Variants in LRMDA observed in about 807,000 individuals in gnomAD.
The protein encoded by LRMDA is leucine rich melanocyte differentiation associated, also known as leucine-rich melanocyte differentiation-associated protein.
LRMDA carries 18 observed loss-of-function variants against 29.8 expected under a neutral mutation model. That is an observed-to-expected ratio of 0.60 (90% CI 0.42 to 0.90). LRMDA has a LOEUF of 0.90. Among genes scored for constraint, LRMDA ranks in the 40% least tolerant of loss-of-function variants. The pLI is 0.00. For synonymous variants in LRMDA, 125 were observed against 109.4 expected (o/e 1.14, Z -0.89); for missense variants, 273 against 273.9 (o/e 1.00, Z 0.02).
chr10:75,783,071 A>G (rs765874736), intron 2 of LRMDA: 1 of 1,609,238 alleles, frequency 6.2e-7, no homozygotes, highest in Non-Finnish European at 8.5e-7. Context: ...TTCTGTCAGC[A>G]GTGCCTTTTA....
chr10:76,347,372 G>C (rs541556473), intron 6 of LRMDA, among the ~76,000 whole-genome samples: 3 of 152,110 alleles, frequency 2.0e-5, no homozygotes, highest in Non-Finnish European at 4.4e-5. Context: ...GGTATACTAC[G>C]CCAATAGCTT....
At chr10:76,061,472 C>G (rs1435206470) in intron 5 of LRMDA, among the ~76,000 whole-genome samples, 1 of 152,150 alleles carries the variant, frequency 6.6e-6, no homozygotes, top group East Asian at 1.9e-4. Context: ...CCCCGTGACA[C>G]AAGTTTACCT....
chr10:76,494,946 T>C (rs920116239), intron 6 of LRMDA, among the ~76,000 whole-genome samples: 9 of 151,930 alleles, frequency 5.9e-5, no homozygotes, highest in African/African-American at 1.7e-4. Flanking sequence ...ATATTCTTTG[T>C]CTTTGTATCT....
intron 6 of LRMDA, among the ~76,000 whole-genome samples, chr10:76,397,772 A>G (rs1474821157): frequency 1.3e-5 from 2 of 152,182 alleles, no homozygotes; most frequent in African/African-American, 4.8e-5. Context: ...AGAACCGGAG[A>G]GAGGGGACTG....
chr10:76,323,714 G>T (rs943822431), intron 5 of LRMDA, among the ~76,000 whole-genome samples: 12 of 152,162 alleles, frequency 7.9e-5, no homozygotes, highest in African/African-American at 2.9e-4. Context: ...CTTGGACACA[G>T]TTCTATGGTT....
chr10:76,517,601 A>C (rs16933604), intron 6 of LRMDA, among the ~76,000 whole-genome samples: 7,454 of 152,234 alleles, frequency 0.049, 237 homozygotes, highest in African/African-American at 0.075. Context: ...AAGCAGGTAC[A>C]TGAGAAAAGG....
chr10:76,150,404 C>T (rs1157999235), intron 5 of LRMDA, among the ~76,000 whole-genome samples: 1 of 152,198 alleles, frequency 6.6e-6, no homozygotes, highest in African/African-American at 2.4e-5. Context: ...TGTGCTTGGA[C>T]CTGCTCTGTT....
intron 2 of LRMDA, among the ~76,000 whole-genome samples, chr10:75,811,882 G>T (rs1843967293): frequency 6.6e-6 from 1 of 152,128 alleles, no homozygotes; most frequent in Admixed American, 6.5e-5. Context: ...CCCTCATCAT[G>T]CTTGTGGACA....
chr10:75,488,085 C>T (rs1844937075), intron 2 of LRMDA, among the ~76,000 whole-genome samples: 1 of 152,062 alleles, frequency 6.6e-6, no homozygotes, highest in Admixed American at 6.6e-5. Context: ...TGACTTATGG[C>T]ATAAAATGGG....
intron 2 of LRMDA, among the ~76,000 whole-genome samples, chr10:75,652,213 G>C (rs1156497100): frequency 6.6e-6 from 1 of 152,188 alleles, no homozygotes; most frequent in Admixed American, 6.5e-5. Context: ...AAGCAAGTCC[G>C]ACATCCCTCG....
chr10:75,862,046 A>T (rs1297741566), intron 2 of LRMDA, among the ~76,000 whole-genome samples: 1 of 152,170 alleles, frequency 6.6e-6, no homozygotes, highest in African/African-American at 2.4e-5. Flanking sequence ...CAACAAATAC[A>T]TGAGGGGCCT....
chr10:76,134,737 G>C (rs1850062229), intron 5 of LRMDA, among the ~76,000 whole-genome samples: 1 of 151,984 alleles, frequency 6.6e-6, no homozygotes, highest in South Asian at 2.1e-4. Flanking sequence ...GGGGTGGAAA[G>C]GAATTAAGTT....
At chr10:76,290,237 G>A (rs893568952) in intron 5 of LRMDA, among the ~76,000 whole-genome samples, 7 of 152,004 alleles carry the variant, frequency 4.6e-5, no homozygotes, top group Admixed American at 6.6e-5. Context: ...AAAGAGTTAT[G>A]TAAGGTACAT....
In LRMDA at chr10:76,395,450, G is replaced by T. The variant is rs1360350710; in HGVS notation, c.601+70965G>T. On this transcript the variant is annotated intron_variant, in intron 6 of 6. Transcript: ENST00000611255. ...TGGGGGATCTGGATGGAAATGAAAC[G>T]CAGACTTGGCTCATCAGAGGGCAGC... Among the ~76,000 whole-genome samples, 4 of 152,128 alleles carry T rather than the reference G, an allele frequency of 2.6e-5. No individual in the cohort carries two copies. The East Asian group carries it at 7.7e-4, about 29-fold the overall frequency.
chr10:75,483,781 A>C (rs1052253396), intron 2 of LRMDA, among the ~76,000 whole-genome samples: 2 of 151,598 alleles, frequency 1.3e-5, no homozygotes, highest in Admixed American at 6.6e-5. Context: ...TAATTGTATC[A>C]TATGAAAAAA....
intron 6 of LRMDA, among the ~76,000 whole-genome samples, chr10:76,533,156 AGAGAGC>A (rs1843253638): frequency 6.6e-6 from 1 of 151,970 alleles, no homozygotes; most frequent in African/African-American, 2.4e-5. Context: ...CGAGAGTGAG[AGAGAGC>A]GAGAGAGAGA....
At chr10:76,156,251 C>T (rs537929893) in intron 5 of LRMDA, among the ~76,000 whole-genome samples, 119 of 152,218 alleles carry the variant, frequency 7.8e-4, no homozygotes, top group Admixed American at 2.6e-3. Flanking sequence ...TCCAAGGGCT[C>T]AAAAACCCTG....
chr10:75,588,320 A>C (rs1246658883), intron 2 of LRMDA, among the ~76,000 whole-genome samples: 1 of 152,230 alleles, frequency 6.6e-6, no homozygotes, highest in African/African-American at 2.4e-5. Context: ...GAAATGTGCT[A>C]CCATGACCTC....
intron 5 of LRMDA, among the ~76,000 whole-genome samples, chr10:76,126,160 G>C (rs1431662559): frequency 6.6e-6 from 1 of 152,178 alleles, no homozygotes; most frequent in Non-Finnish European, 1.5e-5. Context: ...CATGAGAAAA[G>C]CCTGCTCTAG....
Sources: gnomAD v4.1 joint callset for allele counts (sites outside exome capture counted in the v4.1 genomes callset) on GRCh38, gnomAD v4.1.1 for gene constraint, MANE v1.5 for transcripts, NCBI Gene and HGNC (gene_info 2026-07-23, HGNC 2026-07-21) for gene names.